Variants in MAGI2 observed in about 807,000 individuals in gnomAD.
MAGI2 encodes the protein membrane associated guanylate kinase, WW and PDZ domain containing 2, also known as membrane-associated guanylate kinase, WW and PDZ domain-containing protein 2.
In MAGI2, 35 loss-of-function variants were observed where a neutral mutation model predicts 133.3. The observed-to-expected ratio is 0.26, with a 90% CI of 0.20 to 0.35. The LOEUF is 0.35. Among genes scored for constraint, MAGI2 ranks in the 10% least tolerant of loss-of-function variants. MAGI2 has a pLI of 1.00. For missense variants in MAGI2, 1,636 were observed against 1,863.4 expected, an observed-to-expected ratio of 0.88 and a Z score of 2.25; for synonymous variants, 729 against 710.6, an observed-to-expected ratio of 1.03 and a Z score of -0.41.
intron 1 of MAGI2, among the ~76,000 whole-genome samples, chr7:79,363,975 C>A (rs1389390567): frequency 1.3e-5 from 2 of 151,762 alleles, no homozygotes; most frequent in Non-Finnish European, 2.9e-5. Flanking sequence ...AAATTGCAAA[C>A]AGGTATATAA....
chr7:78,736,866 C>G (rs566120242), intron 2 of MAGI2, among the ~76,000 whole-genome samples: 2 of 152,124 alleles, frequency 1.3e-5, no homozygotes, highest in Non-Finnish European at 2.9e-5. Context: ...GATTATATAT[C>G]TTTTTAATAT....
intron 1 of MAGI2, among the ~76,000 whole-genome samples, chr7:79,113,805 C>T (rs1490895323): frequency 1.0e-5 from 1 of 97,818 alleles, no homozygotes; most frequent in Non-Finnish European, 2.4e-5. Context: ...TCCTATTACA[C>T]ACGCTTACAC....
chr7:78,141,078 A>G (rs1176456621), intron 16 of MAGI2, among the ~76,000 whole-genome samples: 2 of 152,078 alleles, frequency 1.3e-5, no homozygotes, highest in Non-Finnish European at 2.9e-5. Context: ...CTCTTAGAAA[A>G]AACTTATGAG....
At chr7:79,156,854 G>GGAT (rs1823827632) in intron 1 of MAGI2, among the ~76,000 whole-genome samples, 1 of 151,898 alleles carries the variant, frequency 6.6e-6, no homozygotes, top group Non-Finnish European at 1.5e-5. Context: ...TCCAACATAG[G>GGAT]GCCTCAGAGA....
intron 2 of MAGI2, among the ~76,000 whole-genome samples, chr7:78,803,546 T>C (rs1788261368): frequency 6.6e-6 from 1 of 152,196 alleles, no homozygotes; most frequent in South Asian, 2.1e-4. Context: ...AGCAGTTCTT[T>C]TGTCATTCTG....
chr7:79,222,378 C>T (rs189641211), intron 1 of MAGI2, among the ~76,000 whole-genome samples: 27 of 152,048 alleles, frequency 1.8e-4, no homozygotes, highest in Admixed American at 5.9e-4. Flanking sequence ...ATTATTTATA[C>T]ACTTTGAAGA....
At chr7:78,340,657 C>A (rs913189864) in intron 9 of MAGI2, among the ~76,000 whole-genome samples, 1 of 152,122 alleles carries the variant, frequency 6.6e-6, no homozygotes. Context: ...TCAACATATG[C>A]AAATCAATAA....
intron 2 of MAGI2, among the ~76,000 whole-genome samples, chr7:78,761,586 C>T (rs1824519917): frequency 6.6e-6 from 1 of 151,920 alleles, no homozygotes; most frequent in Non-Finnish European, 1.5e-5. Context: ...CTGCCTCAGC[C>T]TCCTGAGTAG....
At chr7:78,266,255 T>C (rs1296069588) in intron 9 of MAGI2, among the ~76,000 whole-genome samples, 2 of 151,838 alleles carry the variant, frequency 1.3e-5, no homozygotes, top group African/African-American at 2.4e-5. Flanking sequence ...GGCTAAAGTG[T>C]AGTGGCACTA....
chr7:78,901,499 A>T (rs899303045), intron 2 of MAGI2: 5 of 152,164 alleles, frequency 3.3e-5, no homozygotes, highest in Admixed American at 3.3e-4. Context: ...TAATGAAGCT[A>T]ATGTTTCTTC....
intron 1 of MAGI2, among the ~76,000 whole-genome samples, chr7:79,214,403 CTCTCTATATATATATATATATATA>C (rs1829804603): frequency 4.8e-5 from 2 of 41,460 alleles, no homozygotes; most frequent in East Asian, 1.7e-3. Flanking sequence ...CTCTCTCTCT[CTCTCTATATATATATATATATATA>C]TATATATATA....
intron 2 of MAGI2, among the ~76,000 whole-genome samples, chr7:78,853,547 G>A (rs749980440): frequency 3.6e-4 from 55 of 150,726 alleles, no homozygotes; most frequent in Non-Finnish European, 7.2e-4. Flanking sequence ...GTAGAGACAG[G>A]GTCTCACCAT....
intron 3 of MAGI2, 80 bp downstream of exon 3, chr7:78,627,040 C>A (rs1215048737): frequency 1.1e-5 from 15 of 1,414,282 alleles, no homozygotes; most frequent in Non-Finnish European, 1.4e-5. Context: ...CCATTAGTAA[C>A]CTGGTGTCCC....
intron 2 of MAGI2, among the ~76,000 whole-genome samples, chr7:78,768,986 G>A (rs922810585): frequency 1.3e-5 from 2 of 152,064 alleles, no homozygotes; most frequent in Non-Finnish European, 2.9e-5. Flanking sequence ...CTGCTAAAGC[G>A]CATCCTGCCT....
At chr7:79,279,630 C>A (rs976226373) in intron 1 of MAGI2, among the ~76,000 whole-genome samples, 31 of 152,100 alleles carry the variant, frequency 2.0e-4, no homozygotes, top group Non-Finnish European at 2.6e-4. Context: ...GATTGAGCTA[C>A]GGCACTCCAG....
intron 6 of MAGI2, among the ~76,000 whole-genome samples, chr7:78,407,814 G>T (rs980792353): frequency 6.6e-6 from 1 of 152,048 alleles, no homozygotes; most frequent in African/African-American, 2.4e-5. Flanking sequence ...TTACTGAGGT[G>T]CCTTTATGTT....
At chr7:78,035,880 G>T (rs1810166350) in intron 21 of MAGI2, among the ~76,000 whole-genome samples, 1 of 151,836 alleles carries the variant, frequency 6.6e-6, no homozygotes, top group Non-Finnish European at 1.5e-5. Context: ...GTATTCTAAA[G>T]CTTCGTTGTT....
chr7:78,530,502 G>A (rs1321949147), intron 3 of MAGI2, among the ~76,000 whole-genome samples: 1 of 152,156 alleles, frequency 6.6e-6, no homozygotes, highest in African/African-American at 2.4e-5. Flanking sequence ...GTGTTCACGG[G>A]TAGGACTGAA....
chr7:78,396,971 C>T (rs957575336), intron 6 of MAGI2, among the ~76,000 whole-genome samples: 1 of 151,964 alleles, frequency 6.6e-6, no homozygotes, highest in African/African-American at 2.4e-5. Context: ...CTTTTAGGTA[C>T]AATTAATTTC....
Sources: allele counts gnomAD v4.1 joint callset (sites outside exome capture counted in the v4.1 genomes callset), GRCh38; gene constraint gnomAD v4.1.1; transcripts MANE v1.5; gene names NCBI Gene and HGNC (gene_info 2026-07-23, HGNC 2026-07-21).